The following PGM3 variants were observed in gnomAD, a reference collection of about 807,000 sequenced individuals.
PGM3 encodes the protein phosphoglucomutase 3.
PGM3 carries 40 observed loss-of-function variants against 66.2 expected under a neutral mutation model. The ratio of observed to expected loss-of-function variants is 0.60; its 90% CI spans 0.47 to 0.79. PGM3 has a LOEUF of 0.79. Ranked by LOEUF, PGM3 falls within the 30% of genes least tolerant of loss-of-function variation. The pLI, the probability that PGM3 is intolerant of heterozygous loss-of-function variation, is 0.00. For missense variants in PGM3, 537 were observed against 643.4 expected (o/e 0.83, Z 1.79); for synonymous variants, 191 against 224.2 (o/e 0.85, Z 1.32).
downstream of PGM3, chr6:83,164,848 A>T (rs903786215): frequency 1.5e-6 from 1 of 678,718 alleles, no homozygotes; most frequent in Admixed American, 3.0e-5. Context: ...TCAAGTGTGG[A>T]CTGGTGAAGT....
chr6:83,160,413 G>A (rs1336479541), downstream of PGM3, among the ~76,000 whole-genome samples: 2 of 152,198 alleles, frequency 1.3e-5, no homozygotes, highest in East Asian at 3.8e-4. Flanking sequence ...TGGAGAGATT[G>A]GTATTGCTGG....
At chr6:83,170,267 A>G in intron 12 of PGM3, 38 bp downstream of exon 12, 1 of 1,597,096 alleles carries the variant, frequency 6.3e-7, no homozygotes, top group South Asian at 1.1e-5. Context: ...CCATCACCTA[A>G]TATTAGGCTC....
At position 83,166,762 on chromosome 6, in the gene PGM3, T is replaced by G. The variant is rs1476588947; in HGVS notation, c.*2472A>C. The G allele has an allele frequency of 1.9e-5, 21 of 1,098,136 alleles. No individual in the cohort carries two copies. The highest frequency in any genetic ancestry group is 2.2e-5 in the Non-Finnish European group (20 of 903,884). 68.0% of individuals were successfully genotyped at this position (1,098,136 alleles called of 1,614,324 possible). ...ACATAGAAGAAAATAAGCTGGATTT[T>G]GCATCTGCTTGACCCACTAGGAAAC... On this transcript the variant is annotated 3_prime_UTR_variant, in exon 13 of 13. Coordinates refer to ENST00000513973, the MANE Select transcript of PGM3 (RefSeq NM_015599.3).
chr6:83,163,533 A>G (rs889066281), downstream of PGM3, among the ~76,000 whole-genome samples: 5 of 152,200 alleles, frequency 3.3e-5, no homozygotes, highest in African/African-American at 1.2e-4. Flanking sequence ...TATCTATATG[A>G]AATAAAATAT....
chr6:83,153,507 A>G, the PGM3 span: 5 of 1,577,746 alleles, frequency 3.2e-6, no homozygotes, highest in South Asian at 4.7e-5. Flanking sequence ...TTATGTTTTC[A>G]TAGGTTTTGG....
downstream of PGM3, among the ~76,000 whole-genome samples, chr6:83,159,197 C>T (rs959900680): frequency 3.3e-5 from 5 of 152,166 alleles, no homozygotes. Flanking sequence ...AGAATTTTCT[C>T]ATCCTTGCAG....
chr6:83,152,285 T>C, the PGM3 span: 6 of 1,536,906 alleles, frequency 3.9e-6, no homozygotes, highest in Non-Finnish European at 5.3e-6. Flanking sequence ...CTCTTATTTA[T>C]AGATATGTTA....
Position 83,166,672 on chromosome 6 carries a change from T to C in PGM3, c.*2562A>G. On this transcript the variant is annotated 3_prime_UTR_variant, in exon 13 of 13. Transcript: ENST00000513973. ...AACAATGCAAAAACCGCAATTACGT[T>C]TGCACCAACCTAATATTTTCCTTTT... The C allele has an allele frequency of 7.8e-7, 1 of 1,278,864 alleles. No homozygotes were observed. 79.2% of individuals were successfully genotyped at this position (1,278,864 alleles called of 1,614,324 possible).
chr6:83,153,004 T>C, the PGM3 span, among the ~76,000 whole-genome samples: 3 of 152,194 alleles, frequency 2.0e-5, no homozygotes, highest in Non-Finnish European at 2.9e-5. Flanking sequence ...GTCTGACAGG[T>C]TCTTTTTTAT....
the PGM3 span, chr6:83,152,351 T>C: frequency 1.9e-6 from 3 of 1,541,594 alleles, no homozygotes; most frequent in Non-Finnish European, 2.6e-6. Flanking sequence ...GTCCATGCAT[T>C]GACATTACTC....
At chr6:83,187,131 T>C in intron 3 of PGM3, 56 bp from the exon 4 acceptor site, 1 of 1,152,522 alleles carries the variant, frequency 8.7e-7, no homozygotes, top group Non-Finnish European at 1.3e-6. Context: ...GCAGGGTTGC[T>C]GGTTCTGCAA....
At chr6:83,182,636 T>C (rs778662990) in intron 5 of PGM3, among the ~76,000 whole-genome samples, 15 of 152,186 alleles carry the variant, frequency 9.9e-5, no homozygotes, top group Non-Finnish European at 1.8e-4. Context: ...TCTCAGAATG[T>C]ACTACATAAT....
chr6:83,158,126 GTAGCTGGGAC>G (rs1783249665), downstream of PGM3, among the ~76,000 whole-genome samples: 1 of 151,986 alleles, frequency 6.6e-6, no homozygotes, highest in South Asian at 2.1e-4. Context: ...AGCCTCCCGA[GTAGCTGGGAC>G]TACAGGCACC....
chr6:83,163,423 T>C (rs545743129), downstream of PGM3, among the ~76,000 whole-genome samples: 31 of 152,306 alleles, frequency 2.0e-4, no homozygotes, highest in African/African-American at 7.0e-4. Context: ...AAGAAGATTA[T>C]ACATTTTAAA....
chr6:83,176,150 C>A, intron 8 of PGM3, 90 bp from the exon 9 acceptor site: 1 of 753,208 alleles, frequency 1.3e-6, no homozygotes. Flanking sequence ...CAAAGGGGAA[C>A]AAAATACTGG....
At chr6:83,162,789 G>A, downstream of PGM3, 1 of 1,610,768 alleles carries the variant, frequency 6.2e-7, no homozygotes, top group African/African-American at 1.3e-5. Context: ...TCTATACATA[G>A]GTACCGATGG....
intron 4 of PGM3, among the ~76,000 whole-genome samples, chr6:83,184,858 A>G (rs1788457076): frequency 6.6e-6 from 1 of 152,200 alleles, no homozygotes; most frequent in South Asian, 2.1e-4. Flanking sequence ...ATAGAGCCCA[A>G]GTTCTTGCCA....
chr6:83,152,401 G>T, the PGM3 span: 1 of 998,490 alleles, frequency 1.0e-6, no homozygotes, highest in Non-Finnish European at 1.4e-6. Flanking sequence ...GAACTCTCAA[G>T]TAGACTGTTT....
In PGM3 at chr6:83,170,424, G is replaced by T. The variant is rs781153408; in HGVS notation, c.1420C>A (p.Pro474Thr). The change falls in exon 12 of 13, where the codon CCC (proline) becomes ACC (threonine). Residue 474 changes from proline to threonine, a missense_variant. Transcript: ENST00000513973. ...TTGATTGCCTCCTGTAATCCTGGGG[G>T]TGTAACTGCTTGTCTTTCAGCATCG... ...TTDAERQAVTPPGLQEAINDL... is the reference protein window; with the variant it reads ...TTDAERQAVTTPGLQEAINDL... The T allele has an allele frequency of 6.2e-7, 1 of 1,613,904 alleles. No homozygotes were observed. Among genetic ancestry groups the T allele is most frequent in the Admixed American group, 1.7e-5 (1 of 59,992 alleles).
Sources: allele counts gnomAD v4.1 joint callset (sites outside exome capture counted in the v4.1 genomes callset), GRCh38; gene constraint gnomAD v4.1.1; transcripts MANE v1.5; gene names NCBI Gene and HGNC (gene_info 2026-07-23, HGNC 2026-07-21).